Variants in ADCY2 observed in about 807,000 individuals in gnomAD.
ADCY2 encodes the protein adenylate cyclase type 2.
A neutral mutation model predicts 125.2 loss-of-function variants in ADCY2; 31 were observed. That is an observed-to-expected ratio of 0.25 (90% CI 0.19 to 0.33). The LOEUF (loss-of-function observed/expected upper bound fraction) is 0.33. Ranked by LOEUF, ADCY2 falls within the 10% of genes least tolerant of loss-of-function variation. The pLI is 1.00. For missense variants in ADCY2, 904 were observed against 1,418.2 expected, an observed-to-expected ratio of 0.64 and a Z score of 5.82; for synonymous variants, 512 against 548.4, an observed-to-expected ratio of 0.93 and a Z score of 0.93.
chr5:7,417,106 TG>T, intron 2 of ADCY2, among the ~76,000 whole-genome samples: 1 of 152,312 alleles, frequency 6.6e-6, no homozygotes, highest in African/African-American at 2.4e-5. Flanking sequence ...ATGCTCTTTT[TG>T]TGTTTCGTCT....
chr5:7,498,509 A>G (rs530772306), intron 2 of ADCY2, among the ~76,000 whole-genome samples: 2 of 152,070 alleles, frequency 1.3e-5, no homozygotes, highest in South Asian at 2.1e-4. Context: ...CAGCCTCCCA[A>G]AGTGCTGGGA....
chr5:7,586,645 G>C (rs531863604), intron 3 of ADCY2, among the ~76,000 whole-genome samples: 32 of 152,222 alleles, frequency 2.1e-4, no homozygotes, highest in African/African-American at 7.5e-4. Context: ...ATGTCTTCAG[G>C]CAGCTCACCG....
intron 18 of ADCY2, among the ~76,000 whole-genome samples, chr5:7,775,282 T>G (rs1468696290): frequency 6.6e-6 from 1 of 152,156 alleles, no homozygotes; most frequent in African/African-American, 2.4e-5. Flanking sequence ...AGTTTCATCA[T>G]GTTGGCCAGG....
intron 2 of ADCY2, among the ~76,000 whole-genome samples, chr5:7,466,859 C>G (rs372283217): frequency 1.3e-5 from 2 of 152,178 alleles, no homozygotes; most frequent in Non-Finnish European, 2.9e-5. Flanking sequence ...TTCACTTGCT[C>G]AATCCTCACA....
chr5:7,793,682 G>A (rs1468779863), intron 20 of ADCY2: 1 of 152,190 alleles, frequency 6.6e-6, no homozygotes, highest in Non-Finnish European at 1.5e-5. Context: ...GCCAGCTCTG[G>A]GCTTTGTTTC....
intron 22 of ADCY2, among the ~76,000 whole-genome samples, chr5:7,805,964 A>G (rs1744748877): frequency 6.6e-6 from 1 of 152,186 alleles, no homozygotes; most frequent in Non-Finnish European, 1.5e-5. Context: ...TCAGTAATAA[A>G]GAAAATAAAA....
At chr5:7,774,104 T>C (rs191363949) in intron 18 of ADCY2, among the ~76,000 whole-genome samples, 4 of 152,354 alleles carry the variant, frequency 2.6e-5, no homozygotes, top group South Asian at 2.1e-4. Context: ...TGACAGTACA[T>C]GGCCACCTAT....
At chr5:7,630,316 G>A (rs371822462) in intron 4 of ADCY2, among the ~76,000 whole-genome samples, 3 of 152,198 alleles carry the variant, frequency 2.0e-5, no homozygotes, top group Non-Finnish European at 2.9e-5. Flanking sequence ...GTATTATAAC[G>A]GCTTTATTGA....
chr5:7,828,945 CG>C lies in ADCY2; in HGVS notation c.*2078del. 6.6e-6 allele frequency: 1 copy of C among 152,462 alleles called. No individual in the cohort carries two copies. The highest frequency in any genetic ancestry group is 1.5e-5 in the Non-Finnish European group (1 of 68,056). The allele number at this position is 152,462 out of a possible 1,614,324, so 9.4% of individuals were successfully genotyped here. A position where few individuals can be genotyped will look rare whatever the true frequency, so the allele number is the denominator to read the frequency against. ...AAACAGAGTCCCTCCCATTCCCCCA[CG>C]GGGTGCACCGAACTTGGGTTTGCGC... On this transcript the variant is annotated 3_prime_UTR_variant, in exon 25 of 25. Transcript: ENST00000338316.
intron 24 of ADCY2, among the ~76,000 whole-genome samples, chr5:7,822,410 T>C (rs1240649547): frequency 6.6e-6 from 1 of 152,264 alleles, no homozygotes; most frequent in East Asian, 1.9e-4. Context: ...TGAAGCTTGC[T>C]ATCATAATGA....
intron 2 of ADCY2, among the ~76,000 whole-genome samples, chr5:7,434,131 A>G (rs1285196070): frequency 2.0e-5 from 3 of 152,238 alleles, no homozygotes; most frequent in Non-Finnish European, 4.4e-5. Context: ...AAATAAATGC[A>G]AAAGAAAAGA....
Position 7,407,496 on chromosome 5 carries a change from A to G in ADCY2, c.211-7077A>G, listed in dbSNP as rs756111550. On this transcript the variant is annotated intron_variant, in intron 1 of 24. Transcript: ENST00000338316. The stretch of plus-strand genomic sequence containing the variant: ...AGGAGAGAGAGAGAGAGAGCGAGCA[A>G]TGGGGAACTGCCAAACACTTTTAAA... Among the ~76,000 whole-genome samples the G allele has an allele frequency of 3.0e-4, 45 of 152,064 alleles. 1 individual carries two copies. The highest frequency in any genetic ancestry group is 5.1e-4 in the Non-Finnish European group (35 of 68,014).
intron 15 of ADCY2, 23 bp from the exon 16 acceptor site, chr5:7,757,426 T>C (rs995283624): frequency 6.2e-7 from 1 of 1,608,872 alleles, no homozygotes; most frequent in African/African-American, 1.3e-5. Flanking sequence ...AATGCTTCTC[T>C]TTTTCTTTCT....
chr5:7,816,127 T>A (rs1200783128), intron 22 of ADCY2, among the ~76,000 whole-genome samples: 2 of 152,184 alleles, frequency 1.3e-5, no homozygotes, highest in Non-Finnish European at 1.5e-5. Context: ...TCTCCAAATA[T>A]GGTCATATCC....
intron 2 of ADCY2, among the ~76,000 whole-genome samples, chr5:7,500,507 G>C (rs1292667270): frequency 6.6e-6 from 1 of 152,142 alleles, no homozygotes; most frequent in Non-Finnish European, 1.5e-5. Flanking sequence ...GTGTGTCCCC[G>C]TGCTATGATG....
intron 20 of ADCY2, among the ~76,000 whole-genome samples, chr5:7,790,515 T>A (rs1314178222): frequency 6.6e-6 from 1 of 152,252 alleles, no homozygotes; most frequent in Non-Finnish European, 1.5e-5. Context: ...AAAGCAGATA[T>A]GTCTACATTT....
chr5:7,781,305 GAT>G (rs1375781667), intron 18 of ADCY2, among the ~76,000 whole-genome samples: 1 of 152,138 alleles, frequency 6.6e-6, no homozygotes, highest in Admixed American at 6.5e-5. Context: ...CCCAAAATAA[GAT>G]ATAAAGCTTT....
At chr5:7,501,687 G>C (rs1743599482) in intron 2 of ADCY2, among the ~76,000 whole-genome samples, 1 of 105,162 alleles carries the variant, frequency 9.5e-6, no homozygotes. Flanking sequence ...TGTTACAAAG[G>C]AAAAAGAATG....
chr5:7,809,782 T>C (rs550316839), intron 22 of ADCY2, among the ~76,000 whole-genome samples: 3 of 152,342 alleles, frequency 2.0e-5, no homozygotes, highest in Admixed American at 1.3e-4. Flanking sequence ...CTGTTTTGCC[T>C]CATTTGTACT....
Sources: allele counts gnomAD v4.1 joint callset (sites outside exome capture counted in the v4.1 genomes callset), GRCh38; gene constraint gnomAD v4.1.1; transcripts MANE v1.5; gene names NCBI Gene and HGNC (gene_info 2026-07-23, HGNC 2026-07-21).